COL6A5: variants seen among roughly 807,000 people sequenced by gnomAD.
COL6A5 encodes collagen type VI alpha 5 chain.
Under a neutral mutation model 65.6 loss-of-function variants are expected in COL6A5, and 48 were observed. That is an observed-to-expected ratio of 0.73 (90% CI 0.58 to 0.93). The LOEUF (loss-of-function observed/expected upper bound fraction) is 0.93. COL6A5 is among the 40% of genes least tolerant of loss of function. COL6A5 has a pLI of 0.00. For missense variants in COL6A5, 914 were observed against 928.3 expected, an observed-to-expected ratio of 0.98 and a Z score of 0.20; for synonymous variants, 291 against 322.8, an observed-to-expected ratio of 0.90 and a Z score of 1.05.
At chr3:130,467,067 G>T (rs139421738) in intron 5 of COL6A5, among the ~76,000 whole-genome samples, 4,821 of 151,958 alleles carry the variant, frequency 0.032, 113 homozygotes, top group South Asian at 0.096. Flanking sequence ...GAACATAAAA[G>T]AAAAGGGAAT....
At chr3:130,391,826 C>T (rs1378379428) in intron 7 of COL6A5, 72 bp downstream of exon 7, 2 of 1,146,928 alleles carry the variant, frequency 1.7e-6, no homozygotes, top group Non-Finnish European at 2.4e-6. Flanking sequence ...TCATAAGTCT[C>T]AGGTCTCCGA....
At chr3:130,416,409 A>G (rs1446454058) in intron 23 of COL6A5, among the ~76,000 whole-genome samples, 1 of 152,162 alleles carries the variant, frequency 6.6e-6, no homozygotes, top group Non-Finnish European at 1.5e-5. Flanking sequence ...ACGGGCACAA[A>G]GGTGGCAAAG....
At chr3:130,471,727 GT>G in intron 7 of COL6A5, 1 of 1,534,706 alleles carries the variant, frequency 6.5e-7, no homozygotes, top group South Asian at 1.2e-5. Flanking sequence ...ATGGTGATCT[GT>G]TTGATGAATT....
intron 20 of COL6A5, among the ~76,000 whole-genome samples, chr3:130,412,374 T>A (rs1376004960): frequency 6.6e-6 from 1 of 152,134 alleles, no homozygotes; most frequent in East Asian, 1.9e-4. Context: ...TCAGTCTGTC[T>A]CCCTCCAGAG....
intron 1 of COL6A5, among the ~76,000 whole-genome samples, chr3:130,357,048 T>C (rs978412508): frequency 2.6e-5 from 4 of 152,180 alleles, no homozygotes; most frequent in African/African-American, 9.7e-5. Context: ...GAAAAATGTC[T>C]TTTGGGAAAA....
At chr3:130,444,652 A>T (rs1577516393) in intron 4 of COL6A5, among the ~76,000 whole-genome samples, 1 of 152,108 alleles carries the variant, frequency 6.6e-6, no homozygotes, top group Non-Finnish European at 1.5e-5. Flanking sequence ...GGTCCAGCAC[A>T]CTAAAAACAA....
intron 5 of COL6A5, among the ~76,000 whole-genome samples, chr3:130,463,998 G>C (rs940674384): frequency 5.3e-5 from 8 of 152,042 alleles, no homozygotes; most frequent in Non-Finnish European, 1.2e-4. Flanking sequence ...GAAAAGGATT[G>C]AGATTTTGCT....
chr3:130,406,420 A>G, intron 17 of COL6A5, 99 bp downstream of exon 17: 1 of 915,316 alleles, frequency 1.1e-6, no homozygotes, highest in Non-Finnish European at 1.7e-6. Context: ...AAAATTTACA[A>G]CTGACTTAAC....
rs560237144 is a variant in COL6A5, at chr3:130,433,573, C to T, written c.487+1624C>T. Among the ~76,000 whole-genome samples, 178 of 152,274 alleles carry T rather than the reference C, an allele frequency of 1.2e-3. 2 individuals are homozygous for T. Among genetic ancestry groups the T allele is most frequent in the African/African-American group, 3.8e-3 (157 of 41,560 alleles). ...TTATTCTTCCCTGCCTTGCACTCTT[C>T]TCCACTCAGGACATCCTCCTCTCTG... On this transcript the variant is annotated intron_variant, in intron 1 of 7. Transcript: ENST00000512836.
intron 20 of COL6A5, among the ~76,000 whole-genome samples, chr3:130,410,875 G>A (rs1288133059): frequency 6.6e-6 from 1 of 152,154 alleles, no homozygotes; most frequent in African/African-American, 2.4e-5. Flanking sequence ...TGGTTGAAAC[G>A]ACTGTAACAT....
chr3:130,472,423 G>C (rs1428719749), intron 7 of COL6A5, among the ~76,000 whole-genome samples: 4 of 152,026 alleles, frequency 2.6e-5, no homozygotes, highest in Admixed American at 2.6e-4. Flanking sequence ...ACTGTGGGCA[G>C]CTCCATAGGC....
chr3:130,376,870 C>A (rs986985859), intron 3 of COL6A5, 34 bp downstream of exon 3: 3 of 1,564,920 alleles, frequency 1.9e-6, no homozygotes, highest in Non-Finnish European at 1.7e-6. Context: ...GGTGCCTGAT[C>A]CCCAGGTGGG....
chr3:130,460,900 G>T (rs1379138429), intron 5 of COL6A5, among the ~76,000 whole-genome samples: 1 of 151,748 alleles, frequency 6.6e-6, no homozygotes, highest in African/African-American at 2.4e-5. Context: ...AGTAAGATAT[G>T]ATGGTGGAGT....
At chr3:130,471,082 G>T (rs1709941444) in intron 7 of COL6A5, 115 bp downstream of exon 39, 3 of 683,732 alleles carry the variant, frequency 4.4e-6, no homozygotes, top group African/African-American at 3.6e-5. Context: ...TTTTGTGTGT[G>T]TGTGTGTGTG....
intron 5 of COL6A5, among the ~76,000 whole-genome samples, chr3:130,457,464 G>C (rs751460997): frequency 1.2e-4 from 18 of 152,040 alleles, no homozygotes; most frequent in Non-Finnish European, 2.2e-4. Flanking sequence ...TCAGCTTTCT[G>C]AGAATCAAGA....
intron 1 of COL6A5, among the ~76,000 whole-genome samples, chr3:130,368,561 G>A (rs1935429181): frequency 1.3e-5 from 2 of 152,120 alleles, no homozygotes; most frequent in Middle Eastern, 3.4e-3. Flanking sequence ...GTGTGTGTGT[G>A]TGTTACTGGG....
chr3:130,356,918 A>C (rs1934945205), intron 1 of COL6A5, among the ~76,000 whole-genome samples: 1 of 152,218 alleles, frequency 6.6e-6, no homozygotes, highest in African/African-American at 2.4e-5. Flanking sequence ...TGGATTAATC[A>C]TTCAATTCAA....
chr3:130,399,399 CTCGCTCTG>C (rs1936728559), intron 10 of COL6A5, among the ~76,000 whole-genome samples: 1 of 138,068 alleles, frequency 7.2e-6, no homozygotes, highest in African/African-American at 2.7e-5. Flanking sequence ...GAGACAAAGT[CTCGCTCTG>C]TCACCCAGGC....
In COL6A5 at chr3:130,385,180, C is replaced by T. The variant is rs751002240; in HGVS notation, c.1677C>T (p.Val559=). The T allele has an allele frequency of 6.4e-6, 10 of 1,550,808 alleles. No individual in the cohort carries two copies. In the South Asian group the frequency reaches 7.1e-5, roughly 11 times the overall value. ...CTGATGGGATGTCCACAGACAGAGTCGTGGAACCTGCTAAGAGACTAAGGG... is the reference window on the plus strand; with the variant it reads ...CTGATGGGATGTCCACAGACAGAGTTGTGGAACCTGCTAAGAGACTAAGGG... Residue 559 remains valine (V), a synonymous_variant and NMD_transcript_variant, in exon 5 of 42, where the codon GTC becomes GTT. Coordinates refer to the COL6A5 transcript ENST00000312481.
Sources: gnomAD v4.1 joint callset for allele counts (sites outside exome capture counted in the v4.1 genomes callset) on GRCh38, gnomAD v4.1.1 for gene constraint, MANE v1.5 for transcripts, NCBI Gene and HGNC (gene_info 2026-07-23, HGNC 2026-07-21) for gene names.